The following IGSF9B variants were observed in gnomAD, a reference collection of about 807,000 sequenced individuals.
IGSF9B encodes the protein protein turtle homolog B.
A neutral mutation model predicts 143.7 loss-of-function variants in IGSF9B; 48 were observed. The observed-to-expected ratio is 0.33, with a 90% CI of 0.26 to 0.42. The LOEUF (loss-of-function observed/expected upper bound fraction) is 0.42, where lower values mean the gene tolerates loss of function less well. IGSF9B is among the 20% of genes least tolerant of loss of function. The probability of loss-of-function intolerance (pLI) is 1.00; values close to 1 mark genes in which losing one functional copy is unlikely to be tolerated. For missense variants in IGSF9B, 1,706 were observed against 1,980.0 expected (o/e 0.86, Z 2.63); for synonymous variants, 903 against 833.1 (o/e 1.08, Z -1.44).
chr11:133,952,014 G>A, intron 1 of IGSF9B: 2 of 454,924 alleles, frequency 4.4e-6, no homozygotes, highest in South Asian at 1.6e-5. Context: ...GAGGCAAGGG[G>A]CCACAGAGGA....
At chr11:133,947,314 G>A (rs1009809304) in intron 1 of IGSF9B, among the ~76,000 whole-genome samples, 5 of 152,170 alleles carry the variant, frequency 3.3e-5, no homozygotes, top group African/African-American at 7.2e-5. Flanking sequence ...GTCCAGTAAC[G>A]TCCCAGGGAA....
chr11:133,901,441 T>C lies in IGSF9B; in HGVS notation c.*7628A>G, dbSNP rs976425311. ...ACTTTATCTAGGTGTTCTTTATATT[T>C]ATATATGTGTGCAGAGGGCACGGGC... On this transcript the variant is annotated 3_prime_UTR_variant, in exon 20 of 20. Transcript: ENST00000533871. The C allele has an allele frequency of 6.6e-6, 1 of 152,154 alleles. No individual in the cohort carries two copies. The highest frequency in any genetic ancestry group is 1.5e-5 in the Non-Finnish European group (1 of 68,026). The allele number at this position is 152,154 out of a possible 1,614,324, so 9.4% of individuals were successfully genotyped here.
At position 133,909,551 on chromosome 11, in the gene IGSF9B, T is replaced by A. The variant is rs1939268191; in HGVS notation, c.4106-274A>T. ...TCCTTCTCATTCATTTCTTTCTCGA[T>A]CAGTCTACAAATATTTCTTTTAGTG... On this transcript the variant is annotated intron_variant, in intron 19 of 19. Transcript: ENST00000533871. This position sits in a 1 kb window ranked among gnomAD's most constrained non-coding sequence, Gnocchi z 4.2. 6.6e-6 allele frequency among the ~76,000 whole-genome samples: 1 copy of A among 152,354 alleles called. No individual in the cohort carries two copies. The highest frequency in any genetic ancestry group is 2.4e-5 in the African/African-American group (1 of 41,588).
Position 133,901,981 on chromosome 11 carries a change from C to G in IGSF9B, c.*7088G>C, listed in dbSNP as rs112233675. Among the ~76,000 whole-genome samples the G allele has an allele frequency of 1.1e-4, 14 of 124,710 alleles. No homozygotes were observed. Among genetic ancestry groups the G allele is most frequent in the Admixed American group, 1.0e-3 (14 of 13,352 alleles). 81.8% of individuals were successfully genotyped at this position (124,710 alleles called of 152,430 possible). On this transcript the variant is annotated 3_prime_UTR_variant, in exon 20 of 20. Coordinates refer to ENST00000533871, the MANE Select transcript of IGSF9B (RefSeq NM_001277285.4). Reference sequence around the variant, plus strand: ...ATGCACACCGCATCACACACATGCACACCAGACACATCACACACACACACA... The same window carrying G: ...ATGCACACCGCATCACACACATGCAGACCAGACACATCACACACACACACA...
At position 133,904,297 on chromosome 11, in the gene IGSF9B, C is replaced by T. The variant is rs1473492732; in HGVS notation, c.*4772G>A. Reference sequence around the variant, plus strand: ...AAAATGAGAATGGCACTTCCTTCTCCACTGATGAAGAGCTGGTGATAGGAT... The same window carrying T: ...AAAATGAGAATGGCACTTCCTTCTCTACTGATGAAGAGCTGGTGATAGGAT... On this transcript the variant is annotated 3_prime_UTR_variant, in exon 20 of 20. Transcript: ENST00000533871. Among the ~76,000 whole-genome samples the T allele has an allele frequency of 2.6e-5, 4 of 152,204 alleles. No individual in the cohort carries two copies. Among genetic ancestry groups the T allele is most frequent in the African/African-American group, 9.6e-5 (4 of 41,452 alleles).
rs774636793 is a variant in IGSF9B at position 133,928,694 on chromosome 11, G to A, written c.1631+977C>T. ...CTTACTCAAACAGGAGTGTAGGGAG[G>A]GGCAGCCCTTGGGGGTGGGAGGAGT... On this transcript the variant is annotated intron_variant, in intron 12 of 19. Transcript: ENST00000533871. The surrounding 1 kb of genome is among the most constrained non-coding windows in gnomAD (Gnocchi z 4.7). Among the ~76,000 whole-genome samples, 1 of 151,740 alleles carries A rather than the reference G, an allele frequency of 6.6e-6. No homozygotes were observed.
chr11:133,950,718 C>T lies in IGSF9B; in HGVS notation c.65-4460G>A, dbSNP rs960960724. Among the ~76,000 whole-genome samples the T allele has an allele frequency of 3.9e-5, 6 of 152,344 alleles. No homozygotes were observed. The South Asian group carries it at 6.2e-4, about 16-fold the overall frequency. The stretch of plus-strand genomic sequence containing the variant: ...CATAGGGTGGGCCTGTCTCAGAAGG[C>T]GGCCGGGTGGGCTCTGACCAGCTCT... On this transcript the variant is annotated intron_variant, in intron 1 of 19. Transcript: ENST00000533871.
chr11:133,915,268 CTTT>C (rs33964936), intron 18 of IGSF9B, among the ~76,000 whole-genome samples: 48 of 86,722 alleles, frequency 5.5e-4, no homozygotes, highest in African/African-American at 1.6e-3. Flanking sequence ...CTCTCTCTCT[CTTT>C]TTTTTTTTTT....
rs1939220852 is a variant in IGSF9B at position 133,907,085 on chromosome 11, C to T, written c.*1984G>A. Among the ~76,000 whole-genome samples the T allele has an allele frequency of 6.6e-6, 1 of 152,154 alleles. No individual in the cohort carries two copies. Among genetic ancestry groups the T allele is most frequent in the Non-Finnish European group, 1.5e-5 (1 of 68,024 alleles). On this transcript the variant is annotated 3_prime_UTR_variant, in exon 20 of 20. Transcript: ENST00000533871. ...CAGAGAAGCACATCAACTGGAAGGCCCAGGTTCCACCCCAAGGGTGCACGG... is the reference window on the plus strand; with the variant it reads ...CAGAGAAGCACATCAACTGGAAGGCTCAGGTTCCACCCCAAGGGTGCACGG...
chr11:133,940,391 A>C (rs1332936176), intron 3 of IGSF9B, among the ~76,000 whole-genome samples: 9 of 132,660 alleles, frequency 6.8e-5, no homozygotes, highest in Non-Finnish European at 1.2e-4. Context: ...CGCATGCGTC[A>C]TCGCATGCAG....
chr11:133,944,001 G>A (rs956626107), intron 3 of IGSF9B, among the ~76,000 whole-genome samples: 10 of 152,226 alleles, frequency 6.6e-5, no homozygotes, highest in East Asian at 1.9e-4. Context: ...GGGAGCTGCC[G>A]CTCCTGGGCA....
rs777569629 is a variant in IGSF9B, at chr11:133,932,141, G to C, written c.1040C>G (p.Pro347Arg). ...GGTGGCCGGTGGTTCTGCGTCCACA[G>C]GGCAGCGGATGTAGCCATGGATCCC... ...PVGIHGYIRC[P>R]VDAEPPATVV... Residue 347 changes from proline (P) to arginine (R), a missense_variant, in exon 8 of 20, where the codon CCT becomes CGT. Physicochemically the swap from Pro to Arg is moderately radical, Grantham distance 103. Around this residue, in one of 7 missense-constraint regions of IGSF9B, gnomAD observed 238 missense variants for 452.6 expected, o/e 0.53. Coordinates refer to ENST00000533871, the MANE Select transcript of IGSF9B (RefSeq NM_001277285.4). 1 of 1,612,734 alleles carries C rather than the reference G, an allele frequency of 6.2e-7. No homozygotes were observed. The highest frequency in any genetic ancestry group is 1.7e-5 in the Admixed American group (1 of 59,836).
rs1342968569 is a variant in IGSF9B at position 133,946,193 on chromosome 11, G to A, written c.130C>T (p.Arg44Ter). The change falls in exon 2 of 20, where the codon CGA becomes TGA. Residue 44 changes from arginine to a stop codon, truncating the protein, a stop_gained. Transcript: ENST00000533871. LOFTEE classifies it high-confidence loss of function. ...GTCACTGGGTGGATCACGTCGCATC[G>A]CAGGACCACGCTCTCCCCAGCTCTT... ...TARAGESVVLRCDVIHPVTGQ... is the reference protein window; with the variant it reads ...TARAGESVVL 1.9e-6 allele frequency: 3 copies of A among 1,613,620 alleles called. No homozygotes were observed. Among genetic ancestry groups the A allele is most frequent in the Non-Finnish European group, 2.5e-6 (3 of 1,179,726 alleles).
intron 1 of IGSF9B, among the ~76,000 whole-genome samples, chr11:133,952,998 C>T (rs1283637016): frequency 1.3e-5 from 2 of 152,176 alleles, no homozygotes; most frequent in Admixed American, 1.3e-4. Flanking sequence ...AAATCTCAGG[C>T]CCAGCCCTCT....
At chr11:133,919,665 G>T (rs570920525) in intron 18 of IGSF9B, 77 bp downstream of exon 18, 4 of 936,860 alleles carry the variant, frequency 4.3e-6, no homozygotes, top group South Asian at 6.5e-5. Context: ...GCGGATGGAC[G>T]GGGTGGAGGG....
At position 133,929,593 on chromosome 11, in the gene IGSF9B, C is replaced by T. The variant is rs532766357; in HGVS notation, c.1631+78G>A. The T allele has an allele frequency of 8.2e-5, 88 of 1,074,370 alleles. No individual in the cohort carries two copies. In the African/African-American group the frequency reaches 1.2e-3, roughly 14 times the overall value. 66.6% of individuals were successfully genotyped at this position (1,074,370 alleles called of 1,614,324 possible). The stretch of plus-strand genomic sequence containing the variant: ...CAGCCTCCTCCTACCTCCCCCCACC[C>T]GGGGTAGCCTGCAGGAAGACCGGGG... On this transcript the variant is annotated intron_variant, in intron 12 of 19. Transcript: ENST00000533871.
chr11:133,953,570 A>C lies in IGSF9B; in HGVS notation c.64+3121T>G, dbSNP rs1940201342. ...CCAAAAGGAAGCATAGGTCAAGGCC[A>C]GGTAGAAAGTAGAGGGCAATGGCCC... is the stretch of plus-strand genomic sequence containing the variant. On this transcript the variant is annotated intron_variant, in intron 1 of 19. Coordinates refer to ENST00000533871, the MANE Select transcript of IGSF9B (RefSeq NM_001277285.4). This position sits in a 1 kb window ranked among gnomAD's most constrained non-coding sequence, Gnocchi z 4.2. Among the ~76,000 whole-genome samples, 1 of 152,260 alleles carries C rather than the reference A, an allele frequency of 6.6e-6. No individual in the cohort carries two copies. The highest frequency in any genetic ancestry group is 2.4e-5 in the African/African-American group (1 of 41,476).
intron 18 of IGSF9B, chr11:133,919,202 G>A (rs985712174): frequency 1.8e-5 from 7 of 383,942 alleles, no homozygotes; most frequent in Non-Finnish European, 3.6e-5. Context: ...CTGAGGAGGG[G>A]GCTGGAGTCC....
intron 1 of IGSF9B, among the ~76,000 whole-genome samples, chr11:133,952,713 G>A (rs1413287336): frequency 6.6e-6 from 1 of 151,754 alleles, no homozygotes; most frequent in Non-Finnish European, 1.5e-5. Flanking sequence ...ACACACAGGG[G>A]CACATATATG....
Sources: gnomAD v4.1 joint callset for allele counts (sites outside exome capture counted in the v4.1 genomes callset) on GRCh38, gnomAD v4.1.1 for gene constraint, gnomAD v4.1.1 regional missense constraint, Gnocchi (gnomAD v3.1) non-coding constraint, MANE v1.5 for transcripts, NCBI Gene and HGNC (gene_info 2026-07-23, HGNC 2026-07-21) for gene names.